The following NGLY1 variants were observed in gnomAD, a reference collection of about 807,000 sequenced individuals.
NGLY1 encodes the protein peptide-N(4)-(N-acetyl-beta-glucosaminyl)asparagine amidase.
A neutral mutation model predicts 84.6 loss-of-function variants in NGLY1; 68 were observed. The observed-to-expected ratio is 0.80, with a 90% CI of 0.66 to 0.98. The LOEUF (loss-of-function observed/expected upper bound fraction) is 0.98, where lower values mean the gene tolerates loss of function less well. NGLY1 is among the 50% of genes least tolerant of loss of function. The pLI, the probability that NGLY1 is intolerant of heterozygous loss-of-function variation, is 0.00. For missense variants in NGLY1, 779 were observed against 770.2 expected (o/e 1.01, Z -0.14); for synonymous variants, 280 against 275.2 (o/e 1.02, Z -0.17).
At chr3:25,773,316 G>C (rs1030426760) in intron 2 of NGLY1, among the ~76,000 whole-genome samples, 31 of 151,990 alleles carry the variant, frequency 2.0e-4, no homozygotes, top group African/African-American at 7.5e-4. Flanking sequence ...TTGGGGCTTT[G>C]ATCATTTTTA....
chr3:25,760,880 A>AGCTCGCATAC (rs1559549935), intron 3 of NGLY1, among the ~76,000 whole-genome samples: 12 of 9,606 alleles, frequency 1.2e-3, no homozygotes, highest in South Asian at 4.3e-3. Flanking sequence ...AAAAAAAAAA[A>AGCTCGCATAC]AAAAAAAAAA....
At chr3:25,725,536 T>C (rs1259680600) in intron 10 of NGLY1, among the ~76,000 whole-genome samples, 1 of 152,150 alleles carries the variant, frequency 6.6e-6, no homozygotes, top group South Asian at 2.1e-4. Context: ...GAGCTTGTGA[T>C]TGGCATCTGA....
chr3:25,738,554 A>T (rs546948057), intron 5 of NGLY1, among the ~76,000 whole-genome samples: 14 of 152,290 alleles, frequency 9.2e-5, no homozygotes, highest in African/African-American at 3.1e-4. Context: ...TGCGATGACA[A>T]GTCTGTTAAG....
At chr3:25,719,667 G>A (rs1704879370) in intron 11 of NGLY1, 32 bp from the exon 12 acceptor site, 4 of 1,575,626 alleles carry the variant, frequency 2.5e-6, no homozygotes, top group South Asian at 1.1e-5. Context: ...TTAACATTTT[G>A]CTTTTGGTAA....
intron 2 of NGLY1, among the ~76,000 whole-genome samples, chr3:25,769,032 CAACTT>C (rs1707765723): frequency 6.6e-6 from 1 of 151,988 alleles, no homozygotes; most frequent in African/African-American, 2.4e-5. Flanking sequence ...GGAACTGAAA[CAACTT>C]AATAGCAAAA....
chr3:25,777,928 T>C (rs1559559916), intron 2 of NGLY1: 1 of 152,258 alleles, frequency 6.6e-6, no homozygotes, highest in Non-Finnish European at 1.5e-5. Flanking sequence ...CAATTGCCTA[T>C]TCTGACGACC....
rs572044910 is a variant in NGLY1, at chr3:25,719,304, G to A, written c.*156C>T. On this transcript the variant is annotated 3_prime_UTR_variant, in exon 12 of 12. Transcript: ENST00000280700. ...AATTCAATATTTTATTATAGTCCAC[G>A]TATAAAGATAATTTTCATGAGGGTT... 10 of 517,454 alleles carry A rather than the reference G, an allele frequency of 1.9e-5. No individual in the cohort carries two copies. The highest frequency in any genetic ancestry group is 8.7e-5 in the East Asian group (3 of 34,320). 32.1% of individuals were successfully genotyped at this position (517,454 alleles called of 1,614,324 possible).
At chr3:25,786,958 G>T (rs1408356167), upstream of NGLY1, among the ~76,000 whole-genome samples, 3 of 152,226 alleles carry the variant, frequency 2.0e-5, no homozygotes, top group Non-Finnish European at 4.4e-5. Flanking sequence ...CTGTGAAGGA[G>T]ACAAGTATGG....
At chr3:25,762,711 G>A (rs1707374936) in intron 3 of NGLY1, among the ~76,000 whole-genome samples, 1 of 152,240 alleles carries the variant, frequency 6.6e-6, no homozygotes, top group African/African-American at 2.4e-5. Context: ...CAGCACTTTG[G>A]GAGGCCAAGG....
At chr3:25,758,112 G>A (rs1707130413) in intron 3 of NGLY1, among the ~76,000 whole-genome samples, 2 of 152,022 alleles carry the variant, frequency 1.3e-5, no homozygotes, top group Non-Finnish European at 2.9e-5. Context: ...AAAATGGCAG[G>A]GCAAACACAT....
At chr3:25,735,732 C>T in intron 7 of NGLY1, 1 of 270,048 alleles carries the variant, frequency 3.7e-6, no homozygotes, top group Non-Finnish European at 7.0e-6. Context: ...ACTTGTGTGC[C>T]TGAGTGTTCA....
intron 2 of NGLY1, among the ~76,000 whole-genome samples, chr3:25,766,600 C>T (rs189540601): frequency 1.5e-4 from 23 of 152,258 alleles, no homozygotes; most frequent in South Asian, 1.0e-3. Context: ...TGTAACACAA[C>T]GACTTTTTCA....
At chr3:25,764,418 T>C (rs1026666077) in intron 2 of NGLY1, 107 bp from the exon 3 acceptor site, 13 of 1,198,082 alleles carry the variant, frequency 1.1e-5, no homozygotes, top group African/African-American at 9.2e-5. Flanking sequence ...ATAGAATGCA[T>C]GTTTCTAAAA....
intron 2 of NGLY1, among the ~76,000 whole-genome samples, chr3:25,764,744 G>A (rs1307196590): frequency 1.3e-5 from 2 of 152,016 alleles, no homozygotes; most frequent in East Asian, 1.9e-4. Context: ...AAGAATCCAG[G>A]GTCACATAAA....
chr3:25,772,888 G>A (rs892904324), intron 2 of NGLY1, among the ~76,000 whole-genome samples: 4 of 152,078 alleles, frequency 2.6e-5, no homozygotes, highest in Non-Finnish European at 4.4e-5. Context: ...CATTTATGAA[G>A]CTTAGTTTTG....
intron 4 of NGLY1, among the ~76,000 whole-genome samples, chr3:25,746,954 C>T (rs1235655457): frequency 2.0e-5 from 3 of 152,148 alleles, no homozygotes; most frequent in African/African-American, 2.4e-5. Context: ...TTCAGACTCC[C>T]GAGTAGCTGG....
At chr3:25,727,610 T>C (rs1225173217) in intron 10 of NGLY1, among the ~76,000 whole-genome samples, 2 of 152,296 alleles carry the variant, frequency 1.3e-5, no homozygotes, top group East Asian at 3.9e-4. Flanking sequence ...ATGGTTAAGA[T>C]GGCGGTTTAT....
At chr3:25,778,074 C>A (rs942471774) in intron 2 of NGLY1, among the ~76,000 whole-genome samples, 1 of 152,022 alleles carries the variant, frequency 6.6e-6, no homozygotes. Context: ...TAAACTACAC[C>A]ACAAGATTCC....
intron 2 of NGLY1, among the ~76,000 whole-genome samples, chr3:25,773,917 G>A (rs1001829735): frequency 1.1e-4 from 16 of 152,276 alleles, no homozygotes; most frequent in African/African-American, 3.6e-4. Flanking sequence ...TAGAGCTACT[G>A]GGCTCTGAAC....
Sources: gnomAD v4.1 joint callset for allele counts (sites outside exome capture counted in the v4.1 genomes callset) on GRCh38, gnomAD v4.1.1 for gene constraint, MANE v1.5 for transcripts, NCBI Gene and HGNC (gene_info 2026-07-23, HGNC 2026-07-21) for gene names.